The following RARB variants were observed in gnomAD, a reference collection of about 807,000 sequenced individuals.
The protein encoded by RARB is retinoic acid receptor beta.
In RARB, 17 loss-of-function variants were observed where a neutral mutation model predicts 51.9. The observed-to-expected ratio is 0.33, with a 90% CI of 0.22 to 0.49. The LOEUF (loss-of-function observed/expected upper bound fraction) is 0.49. RARB is among the 20% of genes least tolerant of loss of function. RARB has a pLI of 0.99. For missense variants in RARB, 369 were observed against 550.8 expected, an observed-to-expected ratio of 0.67 and a Z score of 3.30; for synonymous variants, 215 against 195.4, an observed-to-expected ratio of 1.10 and a Z score of -0.84.
intron 2 of RARB, among the ~76,000 whole-genome samples, chr3:24,889,445 A>T (rs1703332600): frequency 6.6e-6 from 1 of 152,166 alleles, no homozygotes; most frequent in Non-Finnish European, 1.5e-5. Flanking sequence ...TATATTTGTA[A>T]AAAGGAAGAA....
intron 5 of RARB, among the ~76,000 whole-genome samples, chr3:25,239,144 T>C (rs1702372388): frequency 6.6e-6 from 1 of 152,228 alleles, no homozygotes; most frequent in Non-Finnish European, 1.5e-5. Context: ...GCCCACTTTT[T>C]AATGGGATTG....
chr3:25,065,122 AT>A (rs72410181), intron 3 of RARB, among the ~76,000 whole-genome samples: 55,083 of 144,772 alleles, frequency 0.38, 10,772 homozygotes, highest in African/African-American at 0.53. Context: ...CTAGAACTTC[AT>A]TTTTTTTTTT....
At chr3:24,983,000 A>C (rs973806130) in intron 2 of RARB, among the ~76,000 whole-genome samples, 3 of 152,242 alleles carry the variant, frequency 2.0e-5, no homozygotes, top group African/African-American at 7.2e-5. Flanking sequence ...ATAAACATAT[A>C]CATATATTAA....
intron 5 of RARB, among the ~76,000 whole-genome samples, chr3:25,302,542 A>C (rs944699247): frequency 6.6e-6 from 1 of 152,234 alleles, no homozygotes; most frequent in Non-Finnish European, 1.5e-5. Context: ...ATTTAGATGC[A>C]ATATTCAGAA....
At chr3:25,234,646 CT>C (rs138891905) in intron 5 of RARB, among the ~76,000 whole-genome samples, 2 of 151,258 alleles carry the variant, frequency 1.3e-5, no homozygotes, top group African/African-American at 4.9e-5. Flanking sequence ...TTCCCTGGGA[CT>C]TTTTTTTCAT....
intron 5 of RARB, among the ~76,000 whole-genome samples, chr3:25,343,728 C>G (rs1705302645): frequency 6.6e-6 from 1 of 152,072 alleles, no homozygotes; most frequent in African/African-American, 2.4e-5. Flanking sequence ...CCGTATTTAA[C>G]TATGTAACCC....
intron 5 of RARB, among the ~76,000 whole-genome samples, chr3:25,222,612 C>T (rs1472680606): frequency 1.3e-5 from 2 of 152,106 alleles, no homozygotes; most frequent in African/African-American, 2.4e-5. Context: ...GTATTATATT[C>T]ATCTCTGAGA....
chr3:25,307,315 A>C (rs1372656417), intron 5 of RARB, among the ~76,000 whole-genome samples: 1 of 151,800 alleles, frequency 6.6e-6, no homozygotes, highest in South Asian at 2.1e-4. Flanking sequence ...TGAACCTAGG[A>C]GGCGGAGGTT....
intron 5 of RARB, among the ~76,000 whole-genome samples, chr3:25,200,184 C>T (rs1303727692): frequency 6.6e-6 from 1 of 152,144 alleles, no homozygotes; most frequent in Non-Finnish European, 1.5e-5. Context: ...ATTTGCATTT[C>T]TCTGATGGCC....
intron 5 of RARB, among the ~76,000 whole-genome samples, chr3:25,277,334 C>T (rs9880506): frequency 0.012 from 1,880 of 152,258 alleles, 46 homozygotes; most frequent in African/African-American, 0.042. Context: ...ACCCAAAAGT[C>T]ATCCTAATCC....
chr3:25,306,297 C>T (rs1023463881), intron 5 of RARB, among the ~76,000 whole-genome samples: 1 of 152,134 alleles, frequency 6.6e-6, no homozygotes, highest in African/African-American at 2.4e-5. Context: ...GTAATCAGGA[C>T]TTGTCAGCAC....
intron 2 of RARB, among the ~76,000 whole-genome samples, chr3:24,872,456 G>T (rs1702965055): frequency 6.6e-6 from 1 of 152,140 alleles, no homozygotes; most frequent in South Asian, 2.1e-4. Flanking sequence ...AAGAAAAGAG[G>T]TTTATTTTGG....
At chr3:25,093,098 G>A (rs1300076622) in intron 3 of RARB, among the ~76,000 whole-genome samples, 1 of 152,088 alleles carries the variant, frequency 6.6e-6, no homozygotes, top group African/African-American at 2.4e-5. Flanking sequence ...TGGTACAGGT[G>A]GGATATTAAA....
At position 24,850,489 on chromosome 3, in the gene RARB, T is replaced by G. The variant is rs1024480106; in HGVS notation, c.-458-8185T>G. Among the ~76,000 whole-genome samples, 12 of 152,316 alleles carry G rather than the reference T, an allele frequency of 7.9e-5. No individual in the cohort carries two copies. The East Asian group carries it at 2.1e-3, about 27-fold the overall frequency. On this transcript the variant is annotated intron_variant, in intron 1 of 11. Transcript: ENST00000383772. ...CCCACGAGGGCAGGAAGTAGATAAA[T>G]GTGAACAATATTGCATTCTTCCTCT...
At chr3:25,505,979 T>C (rs1430305759) in intron 3 of RARB, among the ~76,000 whole-genome samples, 3 of 152,162 alleles carry the variant, frequency 2.0e-5, no homozygotes, top group Admixed American at 6.5e-5. Flanking sequence ...TGATACTGTT[T>C]AGAAACCATG....
At chr3:25,250,801 T>C (rs2125401635) in intron 5 of RARB, among the ~76,000 whole-genome samples, 1 of 152,268 alleles carries the variant, frequency 6.6e-6, no homozygotes, top group Non-Finnish European at 1.5e-5. Context: ...TGCTGTCATG[T>C]GATCTTCAGG....
intron 5 of RARB, among the ~76,000 whole-genome samples, chr3:25,184,047 T>G (rs1052804686): frequency 1.3e-5 from 2 of 152,156 alleles, no homozygotes; most frequent in African/African-American, 4.8e-5. Flanking sequence ...AATCCTTCCC[T>G]GGTTAACTTG....
chr3:24,993,209 C>T (rs1696951378), intron 2 of RARB, among the ~76,000 whole-genome samples: 2 of 151,984 alleles, frequency 1.3e-5, no homozygotes, highest in Non-Finnish European at 2.9e-5. Context: ...TAAAAATATT[C>T]TCAACTTTTA....
chr3:25,207,752 G>A (rs1007615988), intron 5 of RARB, among the ~76,000 whole-genome samples: 11 of 152,194 alleles, frequency 7.2e-5, no homozygotes, highest in Non-Finnish European at 1.5e-4. Context: ...TTGCTTGAAT[G>A]AATGAATGAA....
Sources: gnomAD v4.1 joint callset for allele counts (sites outside exome capture counted in the v4.1 genomes callset) on GRCh38, gnomAD v4.1.1 for gene constraint, MANE v1.5 for transcripts, NCBI Gene and HGNC (gene_info 2026-07-23, HGNC 2026-07-21) for gene names.